PTPRD: variants seen among roughly 807,000 people sequenced by gnomAD.
PTPRD encodes the protein protein tyrosine phosphatase receptor type D, also known as receptor-type tyrosine-protein phosphatase delta.
A neutral mutation model predicts 214.5 loss-of-function variants in PTPRD; 34 were observed. The ratio of observed to expected loss-of-function variants is 0.16; its 90% CI spans 0.12 to 0.21. The LOEUF is 0.21. Ranked by LOEUF, PTPRD falls within the 10% of genes least tolerant of loss-of-function variation. PTPRD has a pLI of 1.00. For synonymous variants in PTPRD, 1,128 were observed against 845.7 expected, an observed-to-expected ratio of 1.33 and a Z score of -5.79; for missense variants, 2,545 against 2,398.7, an observed-to-expected ratio of 1.06 and a Z score of -1.27.
At chr9:9,947,253 A>G (rs564000397) in intron 4 of PTPRD, among the ~76,000 whole-genome samples, 13 of 124,000 alleles carry the variant, frequency 1.0e-4, no homozygotes, top group African/African-American at 4.0e-4. Flanking sequence ...TTAGATATCC[A>G]AATTCTTTTC....
intron 11 of PTPRD, among the ~76,000 whole-genome samples, chr9:8,822,829 C>T (rs952425007): frequency 2.0e-5 from 3 of 152,036 alleles, no homozygotes; most frequent in Non-Finnish European, 4.4e-5. Context: ...CCCCCAAAAC[C>T]ACCAGTGCTG....
At chr9:9,689,969 T>C (rs2097238374) in intron 7 of PTPRD, among the ~76,000 whole-genome samples, 1 of 151,800 alleles carries the variant, frequency 6.6e-6, no homozygotes. Flanking sequence ...CTCTCTCTTA[T>C]GTATTGATTT....
At chr9:9,170,529 T>C (rs141167712) in intron 10 of PTPRD, among the ~76,000 whole-genome samples, 81 of 152,290 alleles carry the variant, frequency 5.3e-4, no homozygotes, top group African/African-American at 1.8e-3. Context: ...TTCCAAATTA[T>C]AGTATTGATT....
At chr9:8,500,558 G>GGAAAAAAAAAAAA (rs2097373754) in intron 24 of PTPRD, among the ~76,000 whole-genome samples, 196 bp downstream of exon 24, 278 of 14,322 alleles carry the variant, frequency 0.019, 20 homozygotes, top group East Asian at 0.032. Context: ...TGAAAAAAAT[G>GGAAAAAAAAAAAA]AAAAAAAAAA....
At chr9:8,969,781 T>G (rs116109384) in intron 11 of PTPRD, among the ~76,000 whole-genome samples, 1 of 151,848 alleles carries the variant, frequency 6.6e-6, no homozygotes, top group African/African-American at 2.4e-5. Context: ...CCTTTGCCCC[T>G]AGGGTCAAGA....
intron 7 of PTPRD, among the ~76,000 whole-genome samples, chr9:9,581,797 T>C (rs982865498): frequency 3.9e-5 from 6 of 152,156 alleles, no homozygotes; most frequent in East Asian, 1.9e-4. Context: ...CTATGAATAA[T>C]GTATGTAAAT....
At chr9:9,752,773 A>C (rs1429635102) in intron 6 of PTPRD, among the ~76,000 whole-genome samples, 2 of 152,216 alleles carry the variant, frequency 1.3e-5, no homozygotes, top group East Asian at 3.9e-4. Flanking sequence ...TACATTGTTT[A>C]GAAGATCCAT....
intron 11 of PTPRD, among the ~76,000 whole-genome samples, chr9:8,786,329 C>CTA (rs536151295): frequency 3.7e-4 from 55 of 147,714 alleles, no homozygotes; most frequent in Non-Finnish European, 7.0e-4. Context: ...GTGGTTATTT[C>CTA]TATTTTTGCA....
chr9:8,784,367 G>T (rs1262883431), intron 11 of PTPRD, among the ~76,000 whole-genome samples: 1 of 152,032 alleles, frequency 6.6e-6, no homozygotes, highest in Non-Finnish European at 1.5e-5. Context: ...GTGTGTTCTT[G>T]TCTGTCAATC....
intron 14 of PTPRD, among the ~76,000 whole-genome samples, chr9:8,536,657 T>C (rs2140001542): frequency 6.6e-6 from 1 of 152,128 alleles, no homozygotes; most frequent in South Asian, 2.1e-4. Flanking sequence ...TTCTGTAATT[T>C]CTACTTAATT....
intron 5 of PTPRD, among the ~76,000 whole-genome samples, chr9:9,844,412 A>G (rs1178009008): frequency 6.6e-6 from 1 of 152,014 alleles, no homozygotes; most frequent in East Asian, 1.9e-4. Flanking sequence ...TCAAAGAAAC[A>G]GAGTAGGATG....
chr9:9,069,772 GAAACCTCAGGTATTATACA>G (rs1247134936), intron 10 of PTPRD, among the ~76,000 whole-genome samples: 8 of 152,104 alleles, frequency 5.3e-5, no homozygotes, highest in Admixed American at 1.3e-4. Flanking sequence ...ATTTAATATG[GAAACCTCAGGTATTATACA>G]AAACCAATCC....
intron 8 of PTPRD, among the ~76,000 whole-genome samples, chr9:9,433,737 C>T (rs143339021): frequency 1.2e-4 from 18 of 152,186 alleles, no homozygotes; most frequent in African/African-American, 4.1e-4. Flanking sequence ...ATTTACAAGT[C>T]GCAAAAGAAT....
intron 11 of PTPRD, among the ~76,000 whole-genome samples, chr9:8,736,047 C>T (rs1232251026): frequency 6.6e-6 from 1 of 151,986 alleles, no homozygotes; most frequent in East Asian, 1.9e-4. Context: ...AGCAGAGGAA[C>T]CATGGAACCA....
intron 5 of PTPRD, among the ~76,000 whole-genome samples, chr9:9,840,751 G>T (rs996633401): frequency 1.1e-5 from 1 of 90,958 alleles, no homozygotes. Flanking sequence ...GACAGAGCAA[G>T]ACTCCGTTTC....
At chr9:8,777,035 C>G (rs1464572713) in intron 11 of PTPRD, among the ~76,000 whole-genome samples, 2 of 107,534 alleles carry the variant, frequency 1.9e-5, no homozygotes, top group East Asian at 5.1e-4. Flanking sequence ...GGCAGGAGTG[C>G]AGTGGCAGGA....
At chr9:8,676,167 T>C (rs969892461) in intron 12 of PTPRD, among the ~76,000 whole-genome samples, 22 of 152,154 alleles carry the variant, frequency 1.4e-4, no homozygotes, top group African/African-American at 5.3e-4. Flanking sequence ...CTCCATGCAT[T>C]TGTTTGCCTA....
intron 5 of PTPRD, among the ~76,000 whole-genome samples, chr9:9,839,657 C>G (rs1168729142): frequency 6.6e-6 from 1 of 152,064 alleles, no homozygotes; most frequent in Non-Finnish European, 1.5e-5. Context: ...AATGCCATCC[C>G]CATCAAGCTA....
Position 9,013,138 on chromosome 9 carries a change from A to AT in PTPRD, c.-104+5558dup, listed in dbSNP as rs547499669. ...TATTTGAAAATTCTTGCTAGCTCTT[A>AT]TTTTTTTTTCTGTTTTTTGTTTTTT... On this transcript the variant is annotated intron_variant, in intron 11 of 45. Transcript: ENST00000381196. 2.3e-3 allele frequency among the ~76,000 whole-genome samples: 344 copies of AT among 150,878 alleles called. 1 individual carries two copies. Among genetic ancestry groups the AT allele is most frequent in the African/African-American group, 7.3e-3 (299 of 41,114 alleles).
Sources: allele counts gnomAD v4.1 joint callset (sites outside exome capture counted in the v4.1 genomes callset), GRCh38; gene constraint gnomAD v4.1.1; transcripts MANE v1.5; gene names NCBI Gene and HGNC (gene_info 2026-07-23, HGNC 2026-07-21).